The following WDFY3 variants were observed in gnomAD, a reference collection of about 807,000 sequenced individuals.
The protein encoded by WDFY3 is WD repeat and FYVE domain containing 3.
Under a neutral mutation model 409.6 loss-of-function variants are expected in WDFY3, and 66 were observed. The ratio of observed to expected loss-of-function variants is 0.16; its 90% CI spans 0.13 to 0.20. The LOEUF is 0.20. Among genes scored for constraint, WDFY3 ranks in the 10% least tolerant of loss-of-function variants. The pLI is 1.00. For missense variants in WDFY3, 3,031 were observed against 4,298.1 expected (o/e 0.71, Z 8.24); for synonymous variants, 1,521 against 1,537.1 (o/e 0.99, Z 0.25).
chr4:84,942,654 A>AT (rs1487503371), intron 1 of WDFY3, among the ~76,000 whole-genome samples: 13 of 152,242 alleles, frequency 8.5e-5, no homozygotes, highest in Non-Finnish European at 1.6e-4. Flanking sequence ...TAGTTGCTGC[A>AT]TATCCTTACC....
chr4:84,814,875 T>C (rs191858385), intron 13 of WDFY3, among the ~76,000 whole-genome samples: 134 of 152,258 alleles, frequency 8.8e-4, no homozygotes, highest in Non-Finnish European at 2.9e-4. Context: ...GTTTCAGGCA[T>C]TTCTGGGGGG....
rs762449121 is a variant in WDFY3, at chr4:84,810,129, G to A, written c.2103C>T (p.Ala701=). ...TCTCTGTTTTGAAGAAATGAGAGTTGGCTGGCTCATAGCGCATTGCTGCAG... is the reference window on the plus strand; with the variant it reads ...TCTCTGTTTTGAAGAAATGAGAGTTAGCTGGCTCATAGCGCATTGCTGCAG... The part of the protein sequence containing the change: ...TLTAAMRYEP[A]NSHFFKTEIQ... Residue 701 remains alanine (A), a synonymous_variant, in exon 14 of 68, where the codon GCC becomes GCT. Coordinates refer to ENST00000295888, the MANE Select transcript of WDFY3 (RefSeq NM_014991.6). 5.6e-6 allele frequency: 9 copies of A among 1,614,118 alleles called. No individual in the cohort carries two copies. The East Asian group carries it at 2.0e-4, about 36-fold the overall frequency.
intron 7 of WDFY3, among the ~76,000 whole-genome samples, chr4:84,833,688 A>AAAGAAAAGAGAAGAGAAGAGAAGAG (rs754643352): frequency 0.012 from 1,772 of 149,330 alleles, 21 homozygotes; most frequent in Non-Finnish European, 0.018. Flanking sequence ...AAAGAAAAGA[A>AAAGAAAAGAGAAGAGAAGAGAAGAG]AAGAGAAGAG....
At position 84,756,923 on chromosome 4, in the gene WDFY3, T is replaced by C. The variant is rs1741569656; in HGVS notation, c.5424+3A>G. 1.2e-6 allele frequency: 2 copies of C among 1,612,968 alleles called. No individual in the cohort carries two copies. The highest frequency in any genetic ancestry group is 1.7e-6 in the Non-Finnish European group (2 of 1,179,078). ...CACGCACCCCTTGCTAGATAATTCCTACCTGGCAACCCTGCTTACTCCGGC... is the reference window on the plus strand; with the variant it reads ...CACGCACCCCTTGCTAGATAATTCCCACCTGGCAACCCTGCTTACTCCGGC... On this transcript the variant is annotated splice_donor_region_variant and intron_variant, in intron 33 of 67. Transcript: ENST00000295888.
intron 29 of WDFY3, 75 bp from the exon 30 acceptor site, chr4:84,773,004 C>T (rs1744931439): frequency 3.6e-6 from 4 of 1,120,228 alleles, no homozygotes; most frequent in Non-Finnish European, 4.9e-6. Flanking sequence ...TACAAAGAAA[C>T]AAAATACAAA....
At chr4:84,885,969 T>C (rs1048928151) in intron 3 of WDFY3, among the ~76,000 whole-genome samples, 1 of 152,180 alleles carries the variant, frequency 6.6e-6, no homozygotes, top group Non-Finnish European at 1.5e-5. Context: ...AAAGTTGATA[T>C]ACAACTATAT....
chr4:84,782,736 A>G (rs1172426990), intron 25 of WDFY3, among the ~76,000 whole-genome samples: 1 of 152,214 alleles, frequency 6.6e-6, no homozygotes, highest in Admixed American at 6.6e-5. Context: ...ATGGCTGTAT[A>G]GTATTCCTTG....
intron 1 of WDFY3, among the ~76,000 whole-genome samples, chr4:84,960,250 C>T (rs1296579718): frequency 6.6e-6 from 1 of 152,174 alleles, no homozygotes; most frequent in African/African-American, 2.4e-5. Flanking sequence ...GCCACTTCCC[C>T]TAACTACTCA....
intron 15 of WDFY3, among the ~76,000 whole-genome samples, chr4:84,807,473 A>G (rs1328258247): frequency 6.6e-6 from 1 of 152,224 alleles, no homozygotes; most frequent in African/African-American, 2.4e-5. Context: ...ACTATCTTCA[A>G]GTTTCAAAAT....
chr4:84,962,694 G>A (rs1478276985), intron 1 of WDFY3, among the ~76,000 whole-genome samples: 2 of 139,184 alleles, frequency 1.4e-5, no homozygotes, highest in African/African-American at 5.4e-5. Flanking sequence ...TTTTTTTTGA[G>A]ATGGAGTCTC....
At chr4:84,787,790 T>A in intron 22 of WDFY3, 77 bp from the exon 23 acceptor site, 2 of 1,275,660 alleles carry the variant, frequency 1.6e-6, no homozygotes, top group South Asian at 1.4e-5. Context: ...CATATGTATT[T>A]TCATTATCCC....
chr4:84,844,335 C>T, intron 5 of WDFY3: 1 of 611,696 alleles, frequency 1.6e-6, no homozygotes, highest in Non-Finnish European at 2.4e-6. Flanking sequence ...AAGCCCTAAA[C>T]ACCCTTGCCC....
Position 84,683,978 on chromosome 4 carries a change from C to T in WDFY3, c.9691G>A (p.Val3231Ile), listed in dbSNP as rs777730609. 5.0e-6 allele frequency: 8 copies of T among 1,610,976 alleles called. No individual in the cohort carries two copies. Among genetic ancestry groups the T allele is most frequent in the Admixed American group, 1.7e-5 (1 of 59,928 alleles). ...CCATCTGAGTGTCCTGTCACTATGA[C>T]GTTCTGCGTGTCCCATTCGTTCATC... ...SEMNEWDTQN[V>I]IVTGHSDGVV... Residue 3231 changes from valine (V) to isoleucine (I), a missense_variant, in exon 63 of 68, where the codon GTC becomes ATC. Coordinates refer to ENST00000295888, the MANE Select transcript of WDFY3 (RefSeq NM_014991.6).
chr4:84,696,398 GAC>G (rs1043626216), intron 57 of WDFY3, among the ~76,000 whole-genome samples: 1 of 152,032 alleles, frequency 6.6e-6, no homozygotes, highest in African/African-American at 2.4e-5. Flanking sequence ...GAGAGTGAGA[GAC>G]AGAGATCACA....
At chr4:84,876,981 T>C (rs948662938) in intron 3 of WDFY3, among the ~76,000 whole-genome samples, 3 of 152,210 alleles carry the variant, frequency 2.0e-5, no homozygotes, top group Admixed American at 2.0e-4. Flanking sequence ...ATCAATATCT[T>C]GCATCAAACT....
intron 39 of WDFY3, 141 bp from the exon 40 acceptor site, chr4:84,739,260 C>G: frequency 2.7e-6 from 2 of 733,780 alleles, no homozygotes; most frequent in South Asian, 3.9e-5. Context: ...TCTAGTTTGC[C>G]AGGAAGATGC....
At chr4:84,718,057 CAAAAAAA>C (rs35076143) in intron 48 of WDFY3, among the ~76,000 whole-genome samples, 1 of 61,350 alleles carries the variant, frequency 1.6e-5, no homozygotes, top group Non-Finnish European at 2.9e-5. Context: ...GACACTGTCT[CAAAAAAA>C]AAAAAAAAAA....
chr4:84,780,726 C>T (rs950548434), intron 25 of WDFY3, among the ~76,000 whole-genome samples: 5 of 151,726 alleles, frequency 3.3e-5, no homozygotes, highest in African/African-American at 4.8e-5. Context: ...ATCGCGCCAC[C>T]GCACTCCAGC....
chr4:84,943,942 C>CT (rs1171936616), intron 1 of WDFY3, among the ~76,000 whole-genome samples: 3 of 151,932 alleles, frequency 2.0e-5, no homozygotes, highest in African/African-American at 7.3e-5. Context: ...AATTTGACCT[C>CT]TGAATTATAA....
Sources: allele counts gnomAD v4.1 joint callset (sites outside exome capture counted in the v4.1 genomes callset), GRCh38; gene constraint gnomAD v4.1.1; transcripts MANE v1.5; gene names NCBI Gene and HGNC (gene_info 2026-07-23, HGNC 2026-07-21).